The following FRMD7 variants were observed in gnomAD, a reference collection of about 807,000 sequenced individuals.
FRMD7 encodes the protein FERM domain-containing protein 7.
A neutral mutation model predicts 44.1 loss-of-function variants in FRMD7; 14 were observed. That is an observed-to-expected ratio of 0.32 (90% CI 0.21 to 0.50). The LOEUF (loss-of-function observed/expected upper bound fraction) is 0.50. FRMD7 is among the 20% of genes least tolerant of loss of function. The probability of loss-of-function intolerance (pLI) is 0.99; values close to 1 mark genes in which losing one functional copy is unlikely to be tolerated. For missense variants in FRMD7, 501 were observed against 522.3 expected, an observed-to-expected ratio of 0.96 and a Z score of 0.40; for synonymous variants, 212 against 187.4, an observed-to-expected ratio of 1.13 and a Z score of -1.07.
At chrX:132,088,405 G>T (rs762486885) in intron 5 of FRMD7, among the ~76,000 whole-genome samples, 24 of 110,898 alleles carry the variant, frequency 2.2e-4, no homozygotes, top group Non-Finnish European at 4.2e-4. Context: ...GTAAAAATTA[G>T]CTGGGTGTGG....
chrX:132,119,241 G>A (rs776183838), intron 1 of FRMD7, among the ~76,000 whole-genome samples: 34 of 112,175 alleles, frequency 3.0e-4, no homozygotes, highest in Admixed American at 2.9e-3. Context: ...TTTCACAGAC[G>A]TATTAAGTAA....
Position 132,078,041 on chromosome X carries a change from T to A in FRMD7, c.1976A>T (p.Lys659Ile), listed in dbSNP as rs769848562. 9.1e-6 allele frequency: 11 copies of A among 1,211,146 alleles called. No homozygotes were observed. In the South Asian group the frequency reaches 1.9e-4, roughly 21 times the overall value. Residue 659 changes from lysine (K) to isoleucine (I), a missense_variant, in exon 12 of 12, where the codon AAA becomes ATA. By Grantham distance (102) the Lys-to-Ile change is moderately radical. Around this residue, in one of 3 missense-constraint regions of FRMD7, gnomAD observed 453 missense variants for 452.7 expected, o/e 1.00. Transcript: ENST00000298542. The part of the protein sequence containing the change: ...ESSDSESEIL[K>I]PDYYALYGKE... Reference sequence around the variant, plus strand: ...GCCATACAAAGCATAGTAGTCTGGTTTAAGAATCTCTGATTCAGAATCACT... The same window carrying A: ...GCCATACAAAGCATAGTAGTCTGGTATAAGAATCTCTGATTCAGAATCACT...
Position 132,078,706 on chromosome X carries a change from A to G in FRMD7, c.1311T>C (p.Phe437=). ...PNPNPDPRDI[F]SERSSLSSFQ... Reference sequence around the variant, plus strand: ...AGGAGCTTAGAGAACTCCTCTCTGAAAAAATGTCTCTGGGATCAGGGTTAG... The same window carrying G: ...AGGAGCTTAGAGAACTCCTCTCTGAGAAAATGTCTCTGGGATCAGGGTTAG... The change falls in exon 12 of 12, where the codon TTT becomes TTC. Residue 437 remains phenylalanine (F), a synonymous_variant. Transcript: ENST00000298542. 1 of 1,211,517 alleles carries G rather than the reference A, an allele frequency of 8.3e-7. No individual in the cohort carries two copies. Among genetic ancestry groups the G allele is most frequent in the Non-Finnish European group, 1.1e-6 (1 of 895,182 alleles).
In FRMD7 at chrX:132,078,537, G is replaced by C; in HGVS notation, c.1480C>G (p.Gln494Glu). The change falls in exon 12 of 12, where the codon CAG becomes GAG. Residue 494 changes from glutamine (Q) to glutamate (E), a missense_variant. Coordinates refer to ENST00000298542, the MANE Select transcript of FRMD7 (RefSeq NM_194277.3). Reference sequence around the variant, plus strand: ...GGCTTGTCCACATAAAAAAAGACCTGGGGAGGCATAATACCAACCTGCTGA... The same window carrying C: ...GGCTTGTCCACATAAAAAAAGACCTCGGGAGGCATAATACCAACCTGCTGA... ...TGQQVGIMPP[Q>E]VFFYVDKPPQ... 8.3e-7 allele frequency: 1 copy of C among 1,211,386 alleles called. No homozygotes were observed. Among genetic ancestry groups the C allele is most frequent in the Non-Finnish European group, 1.1e-6 (1 of 895,167 alleles).
At chrX:132,087,955 C>G (rs968992646) in intron 5 of FRMD7, among the ~76,000 whole-genome samples, 3 of 111,251 alleles carry the variant, frequency 2.7e-5, no homozygotes, top group African/African-American at 6.5e-5. Context: ...AAAAATAACC[C>G]GCACATTATC....
At chrX:132,079,862 G>C in intron 11 of FRMD7, 144 bp downstream of exon 11, 1 of 530,873 alleles carries the variant, frequency 1.9e-6, no homozygotes, top group East Asian at 3.3e-5. Context: ...AGACTGAGCT[G>C]ACAGACCTCC....
At chrX:132,109,464 T>C (rs1236452827) in intron 1 of FRMD7, among the ~76,000 whole-genome samples, 1 of 112,018 alleles carries the variant, frequency 8.9e-6, no homozygotes, top group Non-Finnish European at 1.9e-5. Flanking sequence ...TTTTTGTGTA[T>C]GCCATTACCC....
intron 5 of FRMD7, among the ~76,000 whole-genome samples, chrX:132,090,639 C>T (rs1928139837): frequency 9.0e-6 from 1 of 111,099 alleles, no homozygotes; most frequent in Non-Finnish European, 1.9e-5. Flanking sequence ...TGCGGTAATG[C>T]TTGCACAACT....
At chrX:132,116,273 C>T (rs1928895809) in intron 1 of FRMD7, among the ~76,000 whole-genome samples, 1 of 112,090 alleles carries the variant, frequency 8.9e-6, no homozygotes, top group Admixed American at 9.5e-5. Flanking sequence ...CTTGCCTTCT[C>T]AAAGTTAAAG....
intron 1 of FRMD7, among the ~76,000 whole-genome samples, chrX:132,103,444 C>A (rs908356909): frequency 9.0e-6 from 1 of 110,980 alleles, no homozygotes; most frequent in Non-Finnish European, 1.9e-5. Flanking sequence ...AATTGGAACT[C>A]CAATCCTGAA....
At chrX:132,124,517 T>TA (rs1284055978) in intron 1 of FRMD7, among the ~76,000 whole-genome samples, 1 of 111,892 alleles carries the variant, frequency 8.9e-6, no homozygotes, top group Non-Finnish European at 1.9e-5. Context: ...TCCCATAACC[T>TA]ATCCTGCACC....
chrX:132,099,450 A>G lies in FRMD7; in HGVS notation c.205+18T>C, dbSNP rs760477625. On this transcript the variant is annotated intron_variant, in intron 3 of 11. Coordinates refer to ENST00000298542, the MANE Select transcript of FRMD7 (RefSeq NM_194277.3). ...TCTAACTGTGAACTCTCTTCCTTAA[A>G]TGATTTTCCATACTTACTTTTTACC... 2.5e-6 allele frequency: 3 copies of G among 1,178,796 alleles called. No homozygotes were observed. The highest frequency in any genetic ancestry group is 3.5e-6 in the Non-Finnish European group (3 of 868,480).
intron 1 of FRMD7, among the ~76,000 whole-genome samples, chrX:132,117,045 T>C (rs1283620053): frequency 8.9e-6 from 1 of 111,795 alleles, no homozygotes; most frequent in Non-Finnish European, 1.9e-5. Flanking sequence ...ATCTGTCAAA[T>C]GGGAATATTG....
At chrX:132,126,764 A>G (rs1325998204) in intron 1 of FRMD7, among the ~76,000 whole-genome samples, 2 of 112,323 alleles carry the variant, frequency 1.8e-5, no homozygotes, top group East Asian at 5.6e-4. Flanking sequence ...ATTTGCTACA[A>G]AAACAAATCA....
In FRMD7 at chrX:132,082,457, A is replaced by T; in HGVS notation, c.811T>A (p.Cys271Ser). The change falls in exon 9 of 12, where the codon TGT becomes AGT. Residue 271 changes from cysteine to serine, a missense_variant. Physicochemically the swap from Cys to Ser is moderately radical, Grantham distance 112. Transcript: ENST00000298542. ...CTGAAGAAAGCATGGTATTCCACAC[A>T]AGTCTTCCAGAAAGCCTTGCAGGCA... The part of the protein sequence containing the change: ...RDACKAFWKT[C>S]VEYHAFFRLS... The T allele has an allele frequency of 1.7e-6, 2 of 1,210,210 alleles. No individual in the cohort carries two copies. The highest frequency in any genetic ancestry group is 2.2e-6 in the Non-Finnish European group (2 of 893,780).
intron 5 of FRMD7, among the ~76,000 whole-genome samples, chrX:132,090,813 A>G (rs1019144604): frequency 2.7e-5 from 3 of 111,706 alleles, no homozygotes; most frequent in Non-Finnish European, 5.6e-5. Context: ...GTTGACCCTA[A>G]GAAAAACAAA....
At chrX:132,096,716 CAAA>C (rs34250894) in intron 4 of FRMD7, among the ~76,000 whole-genome samples, 731 of 55,577 alleles carry the variant, frequency 0.013, 8 homozygotes, top group African/African-American at 0.039. Context: ...GACCCTGTCT[CAAA>C]AAAAAAAAAA....
rs1378145017 is a variant in FRMD7 at position 132,090,998 on chromosome X, T to A, written c.382+3044A>T. ...ACCATGGTCTCTCTCTCCTGTAATATCCTTTTATCTAGTCTCCCCACTTCC... is the reference window on the plus strand; with the variant it reads ...ACCATGGTCTCTCTCTCCTGTAATAACCTTTTATCTAGTCTCCCCACTTCC... On this transcript the variant is annotated intron_variant, in intron 5 of 11. Transcript: ENST00000298542. Among the ~76,000 whole-genome samples the A allele has an allele frequency of 5.4e-5, 6 of 111,215 alleles. No homozygotes were observed. In the Admixed American group the frequency reaches 5.7e-4, roughly 11 times the overall value.
intron 1 of FRMD7, among the ~76,000 whole-genome samples, chrX:132,105,095 C>T (rs1928611227): frequency 9.0e-6 from 1 of 111,696 alleles, no homozygotes; most frequent in Admixed American, 9.5e-5. Context: ...GTACTCACTG[C>T]TTTGAAATCA....
Sources: allele counts gnomAD v4.1 joint callset (sites outside exome capture counted in the v4.1 genomes callset), GRCh38; gene constraint gnomAD v4.1.1; regional missense constraint gnomAD v4.1.1; transcripts MANE v1.5; gene names NCBI Gene and HGNC (gene_info 2026-07-23, HGNC 2026-07-21).